The following CAMK1G variants were observed in gnomAD, a reference collection of about 807,000 sequenced individuals.
CAMK1G encodes calcium/calmodulin dependent protein kinase IG.
Under a neutral mutation model 54.8 loss-of-function variants are expected in CAMK1G, and 27 were observed. The ratio of observed to expected loss-of-function variants is 0.49; its 90% confidence interval spans 0.36 to 0.68. The LOEUF (loss-of-function observed/expected upper bound fraction) is 0.68, where lower values mean the gene tolerates loss of function less well. Among genes scored for constraint, CAMK1G ranks in the 30% least tolerant of loss-of-function variants. CAMK1G has a pLI of 0.00. For missense variants in CAMK1G, 512 were observed against 591.0 expected, an observed-to-expected ratio of 0.87 and a Z score of 1.39; for synonymous variants, 238 against 224.9, an observed-to-expected ratio of 1.06 and a Z score of -0.52.
intron 6 of CAMK1G, among the ~76,000 whole-genome samples, chr1:209,606,833 T>C (rs1224703022): frequency 2.6e-5 from 4 of 152,128 alleles, no homozygotes; most frequent in Non-Finnish European, 5.9e-5. Context: ...AAGGAGACAT[T>C]AGCCCCCAGT....
chr1:209,602,126 T>C (rs1220125980), intron 3 of CAMK1G, among the ~76,000 whole-genome samples: 2 of 152,162 alleles, frequency 1.3e-5, no homozygotes, highest in East Asian at 1.9e-4. Context: ...AAGGGTAATG[T>C]AGGGCTGGAC....
At chr1:209,610,765 T>A (rs561153697) in intron 9 of CAMK1G, among the ~76,000 whole-genome samples, 44 of 152,260 alleles carry the variant, frequency 2.9e-4, no homozygotes, top group Non-Finnish European at 5.7e-4. Flanking sequence ...GTCCATAGCA[T>A]GAACAACACC....
chr1:209,590,833 A>G (rs1304743904), intron 1 of CAMK1G, among the ~76,000 whole-genome samples: 1 of 152,188 alleles, frequency 6.6e-6, no homozygotes, highest in Non-Finnish European at 1.5e-5. Context: ...TACCAGCAGC[A>G]GTGTATCCGC....
chr1:209,611,845 C>T lies in CAMK1G; in HGVS notation c.969C>T (p.Asn323=), dbSNP rs200699828. ...ACCACATGAGGAAGCTACACATGAA[C>T]CTGCACAGCCCGGGCGTCCGCCCAG... ...VVHHMRKLHM[N]LHSPGVRPEV... The change falls in exon 11 of 13, where the codon AAC becomes AAT. Residue 323 remains asparagine, a synonymous_variant. Transcript: ENST00000361322. 6.2e-7 allele frequency: 1 copy of T among 1,614,198 alleles called. No individual in the cohort carries two copies. Among genetic ancestry groups the T allele is most frequent in the East Asian group, 2.2e-5 (1 of 44,882 alleles).
intron 8 of CAMK1G, 140 bp downstream of exon 8, chr1:209,609,232 G>A (rs1014180983): frequency 7.3e-6 from 7 of 956,888 alleles, no homozygotes; most frequent in Non-Finnish European, 1.1e-5. Flanking sequence ...GGAAAGTGGA[G>A]AAATCTTCGT....
chr1:209,608,810 G>C (rs371273792), intron 7 of CAMK1G, among the ~76,000 whole-genome samples, 170 bp from the exon 8 acceptor site: 1 of 152,166 alleles, frequency 6.6e-6, no homozygotes, highest in Non-Finnish European at 1.5e-5. Flanking sequence ...AACACTTTAC[G>C]GGACCTGTAC....
chr1:209,596,244 C>G (rs1417368347), intron 2 of CAMK1G, among the ~76,000 whole-genome samples: 1 of 152,178 alleles, frequency 6.6e-6, no homozygotes. Flanking sequence ...CATTGGCCTT[C>G]CATCAAAGGC....
At chr1:209,602,977 C>T (rs1665565290) in intron 3 of CAMK1G, among the ~76,000 whole-genome samples, 1 of 152,270 alleles carries the variant, frequency 6.6e-6, no homozygotes, top group South Asian at 2.1e-4. Context: ...GTGTTTGTTT[C>T]CTGAAGGAAG....
intron 9 of CAMK1G, among the ~76,000 whole-genome samples, 153 bp downstream of exon 9, chr1:209,610,082 G>A (rs1665746292): frequency 6.6e-6 from 1 of 152,176 alleles, no homozygotes; most frequent in Admixed American, 6.5e-5. Flanking sequence ...TCAGGCCCAG[G>A]TAGAGATTCA....
chr1:209,611,457 A>C lies in CAMK1G; in HGVS notation c.828-8A>C, dbSNP rs1156296317. On this transcript the variant is annotated splice_polypyrimidine_tract_variant and splice_region_variant and intron_variant, in intron 9 of 12. Transcript: ENST00000361322. ...CCAGTAGCCAGGTGTCCCCTCTTAC[A>C]TCCACAGGATTGACGGAAACACAGC... 2 of 1,613,900 alleles carry C rather than the reference A, an allele frequency of 1.2e-6. No individual in the cohort carries two copies. The highest frequency in any genetic ancestry group is 1.6e-4 in the Middle Eastern group (1 of 6,084).
intron 1 of CAMK1G, among the ~76,000 whole-genome samples, chr1:209,584,387 A>T (rs1665041887): frequency 6.6e-6 from 1 of 152,196 alleles, no homozygotes; most frequent in African/African-American, 2.4e-5. Flanking sequence ...CCCTATCCTC[A>T]GCCGCGTTAA....
intron 4 of CAMK1G, 43 bp downstream of exon 4, chr1:209,603,331 G>A: frequency 6.6e-7 from 1 of 1,516,316 alleles, no homozygotes; most frequent in South Asian, 1.1e-5. Context: ...GGCCTGGTGG[G>A]GCCTGGGAGG....
rs1400525645 is a variant in CAMK1G at position 209,613,171 on chromosome 1, A to G, written c.*169A>G. 3 of 331,106 alleles carry G rather than the reference A, an allele frequency of 9.1e-6. No individual in the cohort carries two copies. The highest frequency in any genetic ancestry group is 2.1e-5 in the African/African-American group (1 of 47,940). 20.5% of individuals were successfully genotyped at this position (331,106 alleles called of 1,614,324 possible). On this transcript the variant is annotated 3_prime_UTR_variant, in exon 13 of 13. Coordinates refer to ENST00000361322, the MANE Select transcript of CAMK1G (RefSeq NM_020439.3). ...AGCACCAGCCTGCTGCCAGCGGGGC[A>G]GCCCCTCATAGGAGGCCCAGGAGGG...
chr1:209,609,749 C>A, intron 8 of CAMK1G, 102 bp from the exon 9 acceptor site: 1 of 1,129,982 alleles, frequency 8.8e-7, no homozygotes, highest in South Asian at 1.3e-5. Context: ...TTTGGAAGAT[C>A]AGCTAAAGAT....
chr1:209,585,361 T>C lies in CAMK1G; in HGVS notation c.-30+1589T>C, dbSNP rs187274416. Reference sequence around the variant, plus strand: ...AGGGTAATCAGTCAGACGTTAGGATTGCATTACAGCATCATAAGGATGAAG... The same window carrying C: ...AGGGTAATCAGTCAGACGTTAGGATCGCATTACAGCATCATAAGGATGAAG... On this transcript the variant is annotated intron_variant, in intron 1 of 12. Transcript: ENST00000361322. 3.3e-5 allele frequency among the ~76,000 whole-genome samples: 5 copies of C among 152,320 alleles called. No homozygotes were observed. The East Asian group carries it at 9.7e-4, about 29-fold the overall frequency.
chr1:209,604,730 T>C (rs1212101538), intron 4 of CAMK1G, among the ~76,000 whole-genome samples: 1 of 152,174 alleles, frequency 6.6e-6, no homozygotes, highest in Non-Finnish European at 1.5e-5. Context: ...ACTATCTTTG[T>C]ATACTTGAAA....
chr1:209,596,043 A>C (rs1057409869), intron 2 of CAMK1G, among the ~76,000 whole-genome samples: 1 of 152,210 alleles, frequency 6.6e-6, no homozygotes, highest in Non-Finnish European at 1.5e-5. Context: ...CGGGCTGTCC[A>C]TCCGGGTAAG....
At chr1:209,602,716 A>G (rs1469875923) in intron 3 of CAMK1G, among the ~76,000 whole-genome samples, 1 of 152,226 alleles carries the variant, frequency 6.6e-6, no homozygotes, top group Non-Finnish European at 1.5e-5. Context: ...ACATAAATGA[A>G]CTTCATGTTT....
chr1:209,591,404 G>A (rs1665246046), intron 1 of CAMK1G, among the ~76,000 whole-genome samples: 1 of 152,210 alleles, frequency 6.6e-6, no homozygotes, highest in Non-Finnish European at 1.5e-5. Flanking sequence ...CAGGTTGCAA[G>A]TTGACACATT....
Sources: gnomAD v4.1 joint callset for allele counts (sites outside exome capture counted in the v4.1 genomes callset) on GRCh38, gnomAD v4.1.1 for gene constraint, MANE v1.5 for transcripts, NCBI Gene and HGNC (gene_info 2026-07-23, HGNC 2026-07-21) for gene names.